Variants in MDGA2 observed in about 807,000 individuals in gnomAD.
MDGA2 encodes the protein MAM domain-containing glycosylphosphatidylinositol anchor protein 2.
Under a neutral mutation model 117.8 loss-of-function variants are expected in MDGA2, and 40 were observed. The ratio of observed to expected loss-of-function variants is 0.34; its 90% CI spans 0.26 to 0.44. The LOEUF is 0.44. MDGA2 is among the 20% of genes least tolerant of loss of function. The pLI, the probability that MDGA2 is intolerant of heterozygous loss-of-function variation, is 1.00. For missense variants in MDGA2, 1,123 were observed against 1,250.6 expected, an observed-to-expected ratio of 0.90 and a Z score of 1.54; for synonymous variants, 452 against 439.0, an observed-to-expected ratio of 1.03 and a Z score of -0.37.
At chr14:46,866,413 A>C (rs1881763137) in intron 14 of MDGA2, among the ~76,000 whole-genome samples, 1 of 152,320 alleles carries the variant, frequency 6.6e-6, no homozygotes, top group African/African-American at 2.4e-5. Context: ...AAAGACTTAA[A>C]CGTTAGACCT....
chr14:47,441,549 T>C (rs891845328), intron 1 of MDGA2, among the ~76,000 whole-genome samples: 1 of 152,152 alleles, frequency 6.6e-6, no homozygotes, highest in Non-Finnish European at 1.5e-5. Flanking sequence ...AATAAGTATA[T>C]AAATAAATAT....
intron 2 of MDGA2, among the ~76,000 whole-genome samples, chr14:47,286,803 T>TTATATATATATATATATATATA (rs34614614): frequency 7.7e-5 from 10 of 130,016 alleles, no homozygotes; most frequent in African/African-American, 3.2e-4. Flanking sequence ...AGGCATATCA[T>TTATATATATATATATATATATA]TATATATATA....
At chr14:47,150,749 C>T (rs1286732958) in intron 3 of MDGA2, among the ~76,000 whole-genome samples, 1 of 151,972 alleles carries the variant, frequency 6.6e-6, no homozygotes, top group African/African-American at 2.4e-5. Context: ...CATGGTGAAA[C>T]CTTGTCTCTA....
At chr14:47,621,847 G>T (rs931203422) in intron 1 of MDGA2, among the ~76,000 whole-genome samples, 3 of 152,128 alleles carry the variant, frequency 2.0e-5, no homozygotes, top group African/African-American at 4.8e-5. Context: ...CGTTGTAAGC[G>T]AAAAATAAGT....
At chr14:46,877,375 A>G in intron 12 of MDGA2, 114 bp downstream of exon 12, 1 of 556,972 alleles carries the variant, frequency 1.8e-6, no homozygotes, top group Non-Finnish European at 3.1e-6. Flanking sequence ...ATTCTGAACA[A>G]TTGTGTTTTA....
chr14:47,139,787 T>C (rs1470071541), intron 4 of MDGA2, among the ~76,000 whole-genome samples: 1 of 82,476 alleles, frequency 1.2e-5, no homozygotes, highest in Non-Finnish European at 2.3e-5. Flanking sequence ...CACACAAATA[T>C]ATATGTGTAT....
At chr14:47,254,317 CT>C (rs1287417301) in intron 2 of MDGA2, among the ~76,000 whole-genome samples, 2 of 152,140 alleles carry the variant, frequency 1.3e-5, no homozygotes, top group Admixed American at 6.5e-5. Context: ...AAATTTTATG[CT>C]GTGTTTCCTC....
intron 1 of MDGA2, among the ~76,000 whole-genome samples, chr14:47,312,728 C>CAAAATTCAACATCCTAT (rs1889681925): frequency 1.3e-5 from 1 of 77,080 alleles, no homozygotes; most frequent in African/African-American, 5.5e-5. Context: ...TAGGGTATTT[C>CAAAATTCAACATCCTAT]CATGCTGCCC....
chr14:47,615,330 T>C (rs1896929388), intron 1 of MDGA2, among the ~76,000 whole-genome samples: 1 of 152,190 alleles, frequency 6.6e-6, no homozygotes, highest in South Asian at 2.1e-4. Context: ...AAAATCAATA[T>C]AAAATTTGAA....
At position 47,269,690 on chromosome 14, in the gene MDGA2, A is replaced by C. The variant is rs1052379632; in HGVS notation, c.420+31721T>G. ...TGGTAAGTTCTAGGCTCTTACTCAG[A>C]GCATAATGTTTTTTCAGATTTTAAC... On this transcript the variant is annotated intron_variant, in intron 2 of 16. Transcript: ENST00000399232. Among the ~76,000 whole-genome samples, 3 of 152,186 alleles carry C rather than the reference A, an allele frequency of 2.0e-5. No homozygotes were observed. In the East Asian group the frequency reaches 5.8e-4, roughly 29 times the overall value.
chr14:47,182,113 C>T (rs890823818), intron 3 of MDGA2, among the ~76,000 whole-genome samples: 1 of 152,078 alleles, frequency 6.6e-6, no homozygotes, highest in South Asian at 2.1e-4. Context: ...GGAGAAGGCA[C>T]CCTTAATATT....
At chr14:47,337,905 G>C (rs1299692130) in intron 1 of MDGA2, among the ~76,000 whole-genome samples, 1 of 151,912 alleles carries the variant, frequency 6.6e-6, no homozygotes, top group Non-Finnish European at 1.5e-5. Flanking sequence ...GCTAGTCTAT[G>C]AATACCCCTT....
In MDGA2 at chr14:46,957,606, C is replaced by A. The variant is rs369433718; in HGVS notation, c.1857G>T (p.Arg619=). Residue 619 remains arginine, a synonymous_variant, in exon 9 of 17, where the codon CGG becomes CGT. Coordinates refer to ENST00000399232, the MANE Select transcript of MDGA2 (RefSeq NM_001113498.3). ...PAVEPAFLEI[R]QGQDRSVTMS... ...TAGTGACACTTCGATCCTGTCCTTG[C>A]CGGATTTCCAAGAATGCTGGTTCCA... 8 of 1,614,060 alleles carry A rather than the reference C, an allele frequency of 5.0e-6. No individual in the cohort carries two copies. In the African/African-American group the frequency reaches 8.0e-5, roughly 16 times the overall value.
intron 1 of MDGA2, among the ~76,000 whole-genome samples, chr14:47,588,787 A>G (rs1330096928): frequency 1.3e-5 from 2 of 151,932 alleles, no homozygotes; most frequent in Non-Finnish European, 1.5e-5. Flanking sequence ...ATAAATTACC[A>G]CAAACCTAAT....
chr14:46,996,013 GTGTCTA>G (rs1887276854), intron 8 of MDGA2, among the ~76,000 whole-genome samples: 3 of 152,084 alleles, frequency 2.0e-5, no homozygotes, highest in Non-Finnish European at 2.9e-5. Context: ...TATCCATCCA[GTGTCTA>G]CTCACTTCTA....
intron 2 of MDGA2, among the ~76,000 whole-genome samples, chr14:47,255,702 C>A (rs1191911203): frequency 1.3e-5 from 2 of 151,958 alleles, no homozygotes; most frequent in African/African-American, 4.8e-5. Flanking sequence ...GGTGCATTAG[C>A]TTTTATTCTG....
At chr14:47,132,334 T>C (rs891230900) in intron 4 of MDGA2, among the ~76,000 whole-genome samples, 8 of 151,920 alleles carry the variant, frequency 5.3e-5, no homozygotes, top group African/African-American at 1.4e-4. Flanking sequence ...AATCTAATGA[T>C]AGATAATTAC....
intron 1 of MDGA2, among the ~76,000 whole-genome samples, chr14:47,408,594 A>G (rs940144433): frequency 9.9e-5 from 15 of 152,232 alleles, no homozygotes; most frequent in Non-Finnish European, 1.8e-4. Flanking sequence ...AGCAAGGACA[A>G]TGAAACCTCC....
At chr14:47,084,437 A>C (rs1161629914) in intron 6 of MDGA2, among the ~76,000 whole-genome samples, 1 of 152,084 alleles carries the variant, frequency 6.6e-6, no homozygotes, top group Admixed American at 6.6e-5. Flanking sequence ...AGTAAAAAAG[A>C]AGAAAAGTCT....
Sources: gnomAD v4.1 joint callset for allele counts (sites outside exome capture counted in the v4.1 genomes callset) on GRCh38, gnomAD v4.1.1 for gene constraint, MANE v1.5 for transcripts, NCBI Gene and HGNC (gene_info 2026-07-23, HGNC 2026-07-21) for gene names.